Variants in PCDHGB6 observed in about 807,000 individuals in gnomAD.
PCDHGB6 encodes the protein protocadherin gamma subfamily B, 6, also known as protocadherin gamma-B6.
PCDHGB6 carries 51 observed loss-of-function variants against 59.1 expected under a neutral mutation model. That is an observed-to-expected ratio of 0.86 (90% CI 0.69 to 1.09). The LOEUF (loss-of-function observed/expected upper bound fraction) is 1.09, where lower values mean the gene tolerates loss of function less well. Ranked by LOEUF, PCDHGB6 falls within the 50% of genes least tolerant of loss-of-function variation. The pLI is 0.00. For synonymous variants in PCDHGB6, 466 were observed against 495.1 expected (o/e 0.94, Z 0.78); for missense variants, 1,148 against 1,205.1 (o/e 0.95, Z 0.70).
intron 1 of PCDHGB6, among the ~76,000 whole-genome samples, chr5:141,436,221 G>C (rs1468526543): frequency 6.6e-6 from 1 of 152,004 alleles, no homozygotes; most frequent in African/African-American, 2.4e-5. Context: ...CAAATGACTT[G>C]GGAAACTAAG....
In PCDHGB6 at chr5:141,414,957, G is replaced by C. The variant is rs550492051; in HGVS notation, c.2418+4337G>C. 9.2e-5 allele frequency: 148 copies of C among 1,614,018 alleles called. No homozygotes were observed. Among genetic ancestry groups the C allele is most frequent in the Non-Finnish European group, 1.2e-4 (144 of 1,180,044 alleles). ...CAGAGCCCGGCTACCTGGTGACCAA[G>C]GTGGTGGCGGTGGACAGAGACTCCG... is the stretch of plus-strand genomic sequence containing the variant. On this transcript the variant is annotated intron_variant, in intron 1 of 3. Coordinates refer to ENST00000520790, the MANE Select transcript of PCDHGB6 (RefSeq NM_018926.3).
At chr5:141,441,710 G>A (rs2098266791) in intron 1 of PCDHGB6, 1 of 322,162 alleles carries the variant, frequency 3.1e-6, no homozygotes, top group Non-Finnish European at 6.1e-6. Context: ...TCAAGCTCAC[G>A]CTGCAGGCCC....
intron 1 of PCDHGB6, chr5:141,439,900 A>G (rs562278732): frequency 6.6e-5 from 10 of 152,362 alleles, no homozygotes; most frequent in African/African-American, 2.2e-4. Flanking sequence ...CAAGGCGACT[A>G]CTGCCTCCTT....
intron 1 of PCDHGB6, chr5:141,440,479 T>C (rs949675242): frequency 6.6e-6 from 1 of 152,172 alleles, no homozygotes; most frequent in African/African-American, 2.4e-5. Context: ...TTGAAAATTC[T>C]TTAAATGTTT....
In PCDHGB6 at chr5:141,487,072, T is replaced by C. The variant is rs754589618; in HGVS notation, c.2419-7735T>C. On this transcript the variant is annotated intron_variant, in intron 1 of 3. Coordinates refer to ENST00000520790, the MANE Select transcript of PCDHGB6 (RefSeq NM_018926.3). This position sits in a 1 kb window ranked among gnomAD's most constrained non-coding sequence, Gnocchi z 5.0. ...CTGGGGAGGTGCGGACGGCTGTTCCTATCCCAGCTGACCTCCCACCACAGA... is the reference window on the plus strand; with the variant it reads ...CTGGGGAGGTGCGGACGGCTGTTCCCATCCCAGCTGACCTCCCACCACAGA... 8.1e-6 allele frequency: 13 copies of C among 1,614,010 alleles called. No homozygotes were observed. Among genetic ancestry groups the C allele is most frequent in the Non-Finnish European group, 1.1e-5 (13 of 1,179,966 alleles).
rs934206266 is a variant in PCDHGB6, at chr5:141,483,131, G to A, written c.2419-11676G>A. Among the ~76,000 whole-genome samples, 14 of 152,274 alleles carry A rather than the reference G, an allele frequency of 9.2e-5. No individual in the cohort carries two copies. The South Asian group carries it at 2.9e-3, about 32-fold the overall frequency. On this transcript the variant is annotated intron_variant, in intron 1 of 3. Transcript: ENST00000520790. ...AACAGACAGTCTTTGTAGGAGATGA[G>A]GTGAAGCAAGTAGGCAGGAGTTAGA...
chr5:141,505,341 A>T, intron 2 of PCDHGB6, 52 bp from the exon 3 acceptor site: 1 of 1,612,728 alleles, frequency 6.2e-7, no homozygotes, highest in Non-Finnish European at 8.5e-7. Flanking sequence ...CAGGAGGGGC[A>T]TGAGCTGTGC....
rs775122106 is a variant in PCDHGB6 at position 141,410,519 on chromosome 5, C to CT, written c.2318dup (p.His774ThrfsTer4). On this transcript the variant is annotated frameshift_variant, in exon 1 of 4. Coordinates refer to ENST00000520790, the MANE Select transcript of PCDHGB6 (RefSeq NM_018926.3). LOFTEE classifies it high-confidence loss of function. ...TAATTTCCTAAAATGCAGTGTGCCCCTACATTCCAATGAAGACATGGTTTG... is the reference window on the plus strand; with the variant it reads ...TAATTTCCTAAAATGCAGTGTGCCCCTTACATTCCAATGAAGACATGGTTTG... 5.9e-5 allele frequency: 95 copies of CT among 1,613,978 alleles called. 1 individual carries two copies. In the South Asian group the frequency reaches 1.0e-3, roughly 17 times the overall value.
chr5:141,462,998 C>A (rs562002585), intron 1 of PCDHGB6, among the ~76,000 whole-genome samples: 3 of 152,190 alleles, frequency 2.0e-5, no homozygotes, highest in Admixed American at 2.0e-4. Context: ...CTAATTTAGA[C>A]CTACCACTTA....
At chr5:141,467,768 C>T (rs2099151160) in intron 1 of PCDHGB6, among the ~76,000 whole-genome samples, 2 of 151,794 alleles carry the variant, frequency 1.3e-5, no homozygotes, top group African/African-American at 2.4e-5. Flanking sequence ...CTCAAGTGCC[C>T]GCACCTCAGC....
chr5:141,412,396 A>G (rs2095553141), intron 1 of PCDHGB6: 1 of 152,216 alleles, frequency 6.6e-6, no homozygotes, highest in Non-Finnish European at 1.5e-5. Flanking sequence ...TTTAACTTGT[A>G]TCCCTGTAAG....
At chr5:141,500,453 C>G (rs1403599390) in intron 2 of PCDHGB6, among the ~76,000 whole-genome samples, 1 of 152,246 alleles carries the variant, frequency 6.6e-6, no homozygotes, top group African/African-American at 2.4e-5. Flanking sequence ...TCGTGATCCG[C>G]CCGCCTCGGC....
chr5:141,413,524 A>T lies in PCDHGB6; in HGVS notation c.2418+2904A>T, dbSNP rs772774054. The T allele has an allele frequency of 9.3e-6, 15 of 1,613,856 alleles. No individual in the cohort carries two copies. In the Admixed American group the frequency reaches 2.5e-4, roughly 27 times the overall value. ...GAGTTTTAATATCCTTGTGGAAGACAGGGTGAAACTTTTTGGGATAGAAAT... is the reference window on the plus strand; with the variant it reads ...GAGTTTTAATATCCTTGTGGAAGACTGGGTGAAACTTTTTGGGATAGAAAT... On this transcript the variant is annotated intron_variant, in intron 1 of 3. Coordinates refer to ENST00000520790, the MANE Select transcript of PCDHGB6 (RefSeq NM_018926.3).
At position 141,432,119 on chromosome 5, in the gene PCDHGB6, C is replaced by T. The variant is rs1273427353; in HGVS notation, c.2418+21499C>T. On this transcript the variant is annotated intron_variant, in intron 1 of 3. Transcript: ENST00000520790. The surrounding 1 kb of genome is among the most constrained non-coding windows in gnomAD (Gnocchi z 6.0). ...CAACGACAACCCGCCGGTCTTCCCT[C>T]AGGCCTCCTATTCCGCTTATATCCC... is the stretch of plus-strand genomic sequence containing the variant. 7 of 1,614,184 alleles carry T rather than the reference C, an allele frequency of 4.3e-6. No homozygotes were observed. Among genetic ancestry groups the T allele is most frequent in the Non-Finnish European group, 5.9e-6 (7 of 1,180,032 alleles).
In PCDHGB6 at chr5:141,486,819, T is replaced by TG; in HGVS notation, c.2419-7988_2419-7987insG. 6.2e-7 allele frequency: 1 copy of TG among 1,614,212 alleles called. No homozygotes were observed. Among genetic ancestry groups the TG allele is most frequent in the Non-Finnish European group, 8.5e-7 (1 of 1,180,034 alleles). On this transcript the variant is annotated intron_variant, in intron 1 of 3. Coordinates refer to ENST00000520790, the MANE Select transcript of PCDHGB6 (RefSeq NM_018926.3). The surrounding 1 kb of genome is among the most constrained non-coding windows in gnomAD (Gnocchi z 5.0). ...GGCAACCCACCCCTTAGCAGCACTG[T>TG]AACAGTTCGTCTATTTGTGCTGGAC...
chr5:141,410,094 C>G lies in PCDHGB6; in HGVS notation c.1892C>G (p.Ala631Gly). ...LRTGEVRTAR[A>G]LGDRDAARQR... ...ACTGGGGAGGTGCGCACGGCTCGAG[C>G]CTTAGGCGACAGGGACGCAGCCCGC... Residue 631 changes from alanine (A) to glycine (G), a missense_variant, in exon 1 of 4, where the codon GCC becomes GGC. Around this residue, in one of 5 missense-constraint regions of PCDHGB6, gnomAD observed 549 missense variants for 527.5 expected, o/e 1.04. Transcript: ENST00000520790. The G allele has an allele frequency of 6.2e-7, 1 of 1,612,646 alleles. No homozygotes were observed. Among genetic ancestry groups the G allele is most frequent in the Non-Finnish European group, 8.5e-7 (1 of 1,179,662 alleles).
intron 2 of PCDHGB6, among the ~76,000 whole-genome samples, chr5:141,501,877 A>G (rs1267260445): frequency 1.3e-5 from 2 of 151,690 alleles, no homozygotes; most frequent in East Asian, 3.9e-4. Flanking sequence ...GCCTCCTTAC[A>G]CTCCTGATCA....
At chr5:141,414,870 G>T in intron 1 of PCDHGB6, 1 of 1,614,224 alleles carries the variant, frequency 6.2e-7, no homozygotes, top group Non-Finnish European at 8.5e-7. Flanking sequence ...ATGCGCCCGA[G>T]ATCCTGTACC....
intron 1 of PCDHGB6, among the ~76,000 whole-genome samples, chr5:141,447,047 T>C (rs529082157): frequency 1.3e-5 from 2 of 152,342 alleles, no homozygotes; most frequent in African/African-American, 4.8e-5. Flanking sequence ...TCTGGAATTC[T>C]ATTAAAATGT....
Sources: gnomAD v4.1 joint callset for allele counts (sites outside exome capture counted in the v4.1 genomes callset) on GRCh38, gnomAD v4.1.1 for gene constraint, gnomAD v4.1.1 regional missense constraint, Gnocchi (gnomAD v3.1) non-coding constraint, MANE v1.5 for transcripts, NCBI Gene and HGNC (gene_info 2026-07-23, HGNC 2026-07-21) for gene names.